SPOP: variants seen among roughly 807,000 people sequenced by gnomAD.
The protein encoded by SPOP is speckle-type POZ protein.
A neutral mutation model predicts 45.6 loss-of-function variants in SPOP; 11 were observed. The ratio of observed to expected loss-of-function variants is 0.24; its 90% CI spans 0.15 to 0.40. SPOP has a LOEUF of 0.40. Ranked by LOEUF, SPOP falls within the 10% of genes least tolerant of loss-of-function variation. The pLI is 1.00. For missense variants in SPOP, 152 were observed against 465.6 expected (o/e 0.33, Z 6.20); for synonymous variants, 166 against 166.3 (o/e 1.00, Z 0.01).
intron 6 of SPOP, among the ~76,000 whole-genome samples, chr17:49,609,431 C>T (rs2071920530): frequency 6.6e-6 from 1 of 152,048 alleles, no homozygotes; most frequent in Admixed American, 6.5e-5. Context: ...TCTTGAGGGT[C>T]CTCGGTAAAT....
intron 1 of SPOP, among the ~76,000 whole-genome samples, chr17:49,672,126 C>T (rs762382430): frequency 2.6e-5 from 4 of 151,840 alleles, no homozygotes; most frequent in Non-Finnish European, 5.9e-5. Flanking sequence ...GGAGACAGAG[C>T]AAGACTCCAT....
intron 1 of SPOP, among the ~76,000 whole-genome samples, chr17:49,654,112 T>C (rs1445569575): frequency 1.3e-5 from 2 of 152,224 alleles, no homozygotes; most frequent in African/African-American, 2.4e-5. Context: ...ACAGTGAAAG[T>C]GAATTTAGTT....
intron 1 of SPOP, among the ~76,000 whole-genome samples, chr17:49,662,871 T>C (rs372939984): frequency 9.8e-5 from 15 of 152,304 alleles, no homozygotes; most frequent in African/African-American, 3.1e-4. Flanking sequence ...GTATTGACCT[T>C]TGTTTCCCCA....
intron 1 of SPOP, among the ~76,000 whole-genome samples, chr17:49,671,645 A>G (rs1189858000): frequency 6.6e-6 from 1 of 152,146 alleles, no homozygotes; most frequent in Non-Finnish European, 1.5e-5. Context: ...ATGATATTGT[A>G]CCATTTCCTT....
At chr17:49,662,614 G>C (rs2073003798) in intron 1 of SPOP, among the ~76,000 whole-genome samples, 1 of 151,798 alleles carries the variant, frequency 6.6e-6, no homozygotes, top group African/African-American at 2.4e-5. Flanking sequence ...TTGAACCTGG[G>C]AGGCGGAGGT....
At position 49,619,483 on chromosome 17, in the gene SPOP, C is replaced by G. The variant is rs1264860888; in HGVS notation, c.201-98G>C. 5.4e-6 allele frequency: 7 copies of G among 1,303,762 alleles called. No homozygotes were observed. Among genetic ancestry groups the G allele is most frequent in the African/African-American group, 1.5e-5 (1 of 66,932 alleles). 80.8% of individuals were successfully genotyped at this position (1,303,762 alleles called of 1,614,324 possible). A position where few individuals can be genotyped will look rare whatever the true frequency, so the allele number is the denominator to read the frequency against. On this transcript the variant is annotated intron_variant, in intron 3 of 9. Coordinates refer to ENST00000504102, the MANE Select transcript of SPOP (RefSeq NM_001007228.2). This position sits in a 1 kb window ranked among gnomAD's most constrained non-coding sequence, Gnocchi z 4.9. ...GAGGGAGATGTTTAAAAAACAAATG[C>G]AGGCCCCATAGAAGAATATAATTCA...
At chr17:49,603,573 T>G (rs2071778866) in intron 8 of SPOP, among the ~76,000 whole-genome samples, 1 of 152,228 alleles carries the variant, frequency 6.6e-6, no homozygotes, top group African/African-American at 2.4e-5. Flanking sequence ...TTTGGTCTAA[T>G]TACACATGTC....
chr17:49,635,109 C>T (rs1597948372), intron 1 of SPOP, among the ~76,000 whole-genome samples: 1 of 152,138 alleles, frequency 6.6e-6, no homozygotes, highest in African/African-American at 2.4e-5. Context: ...ACATGGACCA[C>T]GTGCCTTACC....
rs1666393984 is a variant in SPOP at position 49,599,339 on chromosome 17, T to C, written c.*1039A>G. 1 of 224,202 alleles carries C rather than the reference T, an allele frequency of 4.5e-6. No homozygotes were observed. Among genetic ancestry groups the C allele is most frequent in the East Asian group, 6.4e-5 (1 of 15,504 alleles). 13.9% of individuals were successfully genotyped at this position (224,202 alleles called of 1,614,324 possible). A position where few individuals can be genotyped will look rare whatever the true frequency, so the allele number is the denominator to read the frequency against. On this transcript the variant is annotated 3_prime_UTR_variant, in exon 10 of 10. Coordinates refer to ENST00000504102, the MANE Select transcript of SPOP (RefSeq NM_001007228.2). ...AAAAAAAAAATTAACATTTGGAAGT[T>C]CTCCCCTGGAGGAAGAGGGGCTAGT...
chr17:49,660,922 C>T (rs1333082129), intron 1 of SPOP, among the ~76,000 whole-genome samples: 1 of 152,126 alleles, frequency 6.6e-6, no homozygotes, highest in East Asian at 1.9e-4. Flanking sequence ...GCTGAGATTG[C>T]GCCACTGCAC....
chr17:49,610,704 T>A (rs1162268393), intron 6 of SPOP, among the ~76,000 whole-genome samples: 1 of 152,214 alleles, frequency 6.6e-6, no homozygotes, highest in Non-Finnish European at 1.5e-5. Flanking sequence ...AAGAGAAGTA[T>A]ACGGTGATTG....
intron 1 of SPOP, among the ~76,000 whole-genome samples, chr17:49,670,857 A>T (rs969745165): frequency 2.6e-5 from 4 of 152,190 alleles, no homozygotes; most frequent in Admixed American, 1.3e-4. Flanking sequence ...TTATGATGAA[A>T]ATCTAGTAAT....
rs554304848 is a variant in SPOP, at chr17:49,621,659, G to C, written c.200+287C>G. Among the ~76,000 whole-genome samples the C allele has an allele frequency of 5.9e-5, 9 of 152,284 alleles. No individual in the cohort carries two copies. In the East Asian group the frequency reaches 1.7e-3, roughly 29 times the overall value. On this transcript the variant is annotated intron_variant, in intron 3 of 9. Transcript: ENST00000504102. ...TCACTAGTTTGCCAAGCAGTCACCA[G>C]TCATTCCATTTATGGATATCATTTA...
At chr17:49,644,148 A>C (rs774479850) in intron 1 of SPOP, among the ~76,000 whole-genome samples, 1 of 151,972 alleles carries the variant, frequency 6.6e-6, no homozygotes, top group Non-Finnish European at 1.5e-5. Context: ...GGAGGATCAC[A>C]TGAGCTCAGG....
In SPOP at chr17:49,609,286, G is replaced by C. The variant is rs112795985; in HGVS notation, c.659-1357C>G. Among the ~76,000 whole-genome samples, 480 of 152,204 alleles carry C rather than the reference G, an allele frequency of 3.2e-3. 2 individuals carry two copies. Among genetic ancestry groups the C allele is most frequent in the African/African-American group, 7.1e-3 (295 of 41,498 alleles). ...GAACTTCAGTATTTTAATTTCTACCGAAAGGATATCAATTCTCATTGTTCT... is the reference window on the plus strand; with the variant it reads ...GAACTTCAGTATTTTAATTTCTACCCAAAGGATATCAATTCTCATTGTTCT... On this transcript the variant is annotated intron_variant, in intron 6 of 9. Coordinates refer to ENST00000504102, the MANE Select transcript of SPOP (RefSeq NM_001007228.2).
chr17:49,664,731 G>A (rs1003226080), intron 1 of SPOP, among the ~76,000 whole-genome samples: 4 of 152,124 alleles, frequency 2.6e-5, no homozygotes, highest in Admixed American at 6.5e-5. Flanking sequence ...TATCTGGCCC[G>A]GAGGAAAATC....
rs763497357 is a variant in SPOP, at chr17:49,619,194, A to T, written c.352+40T>A. 2 of 1,613,826 alleles carry T rather than the reference A, an allele frequency of 1.2e-6. No homozygotes were observed. The highest frequency in any genetic ancestry group is 1.3e-5 in the African/African-American group (1 of 74,900). On this transcript the variant is annotated intron_variant, in intron 4 of 9. Transcript: ENST00000504102. The surrounding 1 kb of genome is among the most constrained non-coding windows in gnomAD (Gnocchi z 4.9). ...ACTTGTCAGTGTATGAAACTTCTGG[A>T]TGTGAAACTTAAGAGTTGAACAAAG...
chr17:49,669,212 G>A (rs1370253187), intron 1 of SPOP, among the ~76,000 whole-genome samples: 4 of 151,506 alleles, frequency 2.6e-5, no homozygotes, highest in Admixed American at 2.0e-4. Context: ...GAATACAGGC[G>A]CCCGCCATCA....
At chr17:49,604,574 G>A (rs2071800738) in intron 8 of SPOP, among the ~76,000 whole-genome samples, 3 of 152,148 alleles carry the variant, frequency 2.0e-5, no homozygotes, top group Admixed American at 2.0e-4. Flanking sequence ...CCTCCAATGG[G>A]TATTGCAGCA....
Sources: allele counts gnomAD v4.1 joint callset (sites outside exome capture counted in the v4.1 genomes callset), GRCh38; gene constraint gnomAD v4.1.1; non-coding constraint Gnocchi (gnomAD v3.1); transcripts MANE v1.5; gene names NCBI Gene and HGNC (gene_info 2026-07-23, HGNC 2026-07-21).